Variants in NECAB1 observed in about 807,000 individuals in gnomAD.
NECAB1 encodes the protein N-terminal EF-hand calcium binding protein 1.
NECAB1 carries 29 observed loss-of-function variants against 57.5 expected under a neutral mutation model. The observed-to-expected ratio is 0.50, with a 90% CI of 0.38 to 0.69. NECAB1 has a LOEUF of 0.69. Among genes scored for constraint, NECAB1 ranks in the 30% least tolerant of loss-of-function variants. NECAB1 has a pLI of 0.00. For missense variants in NECAB1, 372 were observed against 413.8 expected, an observed-to-expected ratio of 0.90 and a Z score of 0.88; for synonymous variants, 142 against 147.7, an observed-to-expected ratio of 0.96 and a Z score of 0.28.
At chr8:90,954,776 A>G (rs886701988) in intron 12 of NECAB1, among the ~76,000 whole-genome samples, 1 of 149,930 alleles carries the variant, frequency 6.7e-6, no homozygotes, top group Non-Finnish European at 1.5e-5. Context: ...TCATATAGGT[A>G]TAAATATATG....
At position 90,959,251 on chromosome 8, in the gene NECAB1, C is replaced by A; in HGVS notation, c.*3739C>A. Reference sequence around the variant, plus strand: ...AAAATATATTAAATTGTATTCCAAACCTGTTCTTCTGTTTCTGTGGCACCT... The same window carrying A: ...AAAATATATTAAATTGTATTCCAAAACTGTTCTTCTGTTTCTGTGGCACCT... On this transcript the variant is annotated 3_prime_UTR_variant, in exon 13 of 13. Coordinates refer to ENST00000417640, the MANE Select transcript of NECAB1 (RefSeq NM_022351.5). 1 of 274,612 alleles carries A rather than the reference C, an allele frequency of 3.6e-6. No individual in the cohort carries two copies. The highest frequency in any genetic ancestry group is 6.8e-6 in the Non-Finnish European group (1 of 148,128). 17.0% of individuals were successfully genotyped at this position (274,612 alleles called of 1,614,324 possible).
chr8:90,896,400 C>T (rs893654657), intron 5 of NECAB1, among the ~76,000 whole-genome samples: 3 of 151,960 alleles, frequency 2.0e-5, no homozygotes, highest in Non-Finnish European at 2.9e-5. Flanking sequence ...GTCAGGAGAT[C>T]GAGACCATCC....
At chr8:90,930,162 A>C (rs117244420) in intron 8 of NECAB1, among the ~76,000 whole-genome samples, 1,933 of 152,322 alleles carry the variant, frequency 0.013, 18 homozygotes, top group South Asian at 0.041. Flanking sequence ...GGCATTGAAG[A>C]GGAGGTTTGT....
intron 2 of NECAB1, among the ~76,000 whole-genome samples, chr8:90,815,696 GATTC>G (rs1277649104): frequency 3.3e-5 from 5 of 152,082 alleles, no homozygotes; most frequent in East Asian, 1.9e-4. Context: ...ATGGATTTAA[GATTC>G]ATTCAAGTTT....
intron 5 of NECAB1, among the ~76,000 whole-genome samples, chr8:90,883,965 T>C (rs1254908969): frequency 2.6e-5 from 4 of 152,198 alleles, no homozygotes; most frequent in African/African-American, 7.2e-5. Flanking sequence ...ATTCATCACG[T>C]GCTATGTTAT....
chr8:90,938,607 G>A (rs1283760286), intron 9 of NECAB1, among the ~76,000 whole-genome samples: 4 of 152,172 alleles, frequency 2.6e-5, no homozygotes, highest in African/African-American at 9.7e-5. Context: ...TGTCAGAATA[G>A]TCATCAAACT....
At position 90,805,108 on chromosome 8, in the gene NECAB1, G is replaced by A. The variant is rs1269444550; in HGVS notation, c.124+3393G>A. On this transcript the variant is annotated intron_variant, in intron 2 of 12. Coordinates refer to ENST00000417640, the MANE Select transcript of NECAB1 (RefSeq NM_022351.5). ...GAGTTTAGTAGAAAAGAAAAATAAA[G>A]CTATTTACCATATATGGAGTATTTG... Among the ~76,000 whole-genome samples the A allele has an allele frequency of 2.6e-5, 4 of 152,142 alleles. No homozygotes were observed. In the South Asian group the frequency reaches 8.3e-4, roughly 31 times the overall value.
chr8:90,881,641 T>C (rs1190405266), intron 5 of NECAB1, among the ~76,000 whole-genome samples: 2 of 152,190 alleles, frequency 1.3e-5, no homozygotes, highest in Non-Finnish European at 2.9e-5. Context: ...CCTTCCACCA[T>C]GATTGAAAGC....
At chr8:90,795,032 G>A (rs1481251013) in intron 1 of NECAB1, among the ~76,000 whole-genome samples, 1 of 152,230 alleles carries the variant, frequency 6.6e-6, no homozygotes, top group Admixed American at 6.5e-5. Flanking sequence ...CCAGCCACAG[G>A]AGAGGGACTC....
intron 11 of NECAB1, 82 bp downstream of exon 11, chr8:90,949,966 G>A: frequency 1.2e-6 from 1 of 831,458 alleles, no homozygotes; most frequent in Non-Finnish European, 1.9e-6. Context: ...TTGTAGGAAA[G>A]TTCCATTCTC....
rs1173373681 is a variant in NECAB1, at chr8:90,934,366, T to C, written c.747+9T>C. On this transcript the variant is annotated intron_variant, in intron 9 of 12. Transcript: ENST00000417640. ...AAGGGAATACTAAATCTGTAAGTATTTTTATCAGGTAAAAATGTTAGAAAT... is the reference window on the plus strand; with the variant it reads ...AAGGGAATACTAAATCTGTAAGTATCTTTATCAGGTAAAAATGTTAGAAAT... The C allele has an allele frequency of 2.8e-6, 4 of 1,449,000 alleles. No homozygotes were observed. The highest frequency in any genetic ancestry group is 3.7e-6 in the Non-Finnish European group (4 of 1,078,802). 89.8% of individuals were successfully genotyped at this position (1,449,000 alleles called of 1,614,324 possible).
intron 9 of NECAB1, among the ~76,000 whole-genome samples, chr8:90,934,826 T>C (rs567896229): frequency 1.3e-5 from 2 of 152,292 alleles, no homozygotes; most frequent in South Asian, 4.1e-4. Flanking sequence ...AAGGGAACAT[T>C]TGTATCCCTA....
Position 90,824,058 on chromosome 8 carries a change from A to G in NECAB1, c.125-659A>G, listed in dbSNP as rs527624064. Among the ~76,000 whole-genome samples, 31 of 151,794 alleles carry G rather than the reference A, an allele frequency of 2.0e-4. No homozygotes were observed. In the South Asian group the frequency reaches 6.0e-3, roughly 29 times the overall value. On this transcript the variant is annotated intron_variant, in intron 2 of 12. Transcript: ENST00000417640. ...ATCTTTTGTTACCCAAAACTCCCATACAGTTAAAATACCTCTGTCTCTTAT... is the reference window on the plus strand; with the variant it reads ...ATCTTTTGTTACCCAAAACTCCCATGCAGTTAAAATACCTCTGTCTCTTAT...
chr8:90,836,210 A>C (rs1312443118), intron 3 of NECAB1, among the ~76,000 whole-genome samples: 1 of 152,154 alleles, frequency 6.6e-6, no homozygotes, highest in Non-Finnish European at 1.5e-5. Flanking sequence ...TTATATGTTA[A>C]AAAAAGTTTT....
chr8:90,956,902 T>C lies in NECAB1; in HGVS notation c.*1390T>C, dbSNP rs1226328776. On this transcript the variant is annotated 3_prime_UTR_variant, in exon 13 of 13. Transcript: ENST00000417640. ...ATTTTAAAATCCTTTCATAGTTCTA[T>C]TAGAAATAAGTAGTAAATTTTGATA... is the stretch of plus-strand genomic sequence containing the variant. 1.3e-5 allele frequency: 2 copies of C among 152,004 alleles called. No homozygotes were observed. Among genetic ancestry groups the C allele is most frequent in the African/African-American group, 2.4e-5 (1 of 41,290 alleles). 9.4% of individuals were successfully genotyped at this position (152,004 alleles called of 1,614,324 possible).
chr8:90,931,964 A>G (rs1810420363), intron 8 of NECAB1, among the ~76,000 whole-genome samples: 1 of 152,150 alleles, frequency 6.6e-6, no homozygotes, highest in Non-Finnish European at 1.5e-5. Flanking sequence ...CCCACCTTTA[A>G]TGTTAAACAA....
At chr8:90,854,568 T>C (rs1812756761) in intron 3 of NECAB1, among the ~76,000 whole-genome samples, 1 of 152,210 alleles carries the variant, frequency 6.6e-6, no homozygotes. Context: ...CTGGGAGACT[T>C]CAATATGTAC....
intron 2 of NECAB1, among the ~76,000 whole-genome samples, chr8:90,821,125 C>CA (rs1210584051): frequency 6.6e-6 from 1 of 151,826 alleles, no homozygotes; most frequent in Non-Finnish European, 1.5e-5. Flanking sequence ...CTCAAGCCCC[C>CA]ATCGCCCATT....
Position 90,959,144 on chromosome 8 carries a change from G to A in NECAB1, c.*3632G>A, listed in dbSNP as rs943182662. ...CAGGTGTTTACAGATTTAAATGCAT[G>A]TTACCATAGAAACTATTAAAGTAAC... On this transcript the variant is annotated 3_prime_UTR_variant, in exon 13 of 13. Transcript: ENST00000417640. 69 of 496,360 alleles carry A rather than the reference G, an allele frequency of 1.4e-4. No homozygotes were observed. The highest frequency in any genetic ancestry group is 2.2e-4 in the Non-Finnish European group (64 of 287,056). 30.7% of individuals were successfully genotyped at this position (496,360 alleles called of 1,614,324 possible).
Sources: allele counts gnomAD v4.1 joint callset (sites outside exome capture counted in the v4.1 genomes callset), GRCh38; gene constraint gnomAD v4.1.1; transcripts MANE v1.5; gene names NCBI Gene and HGNC (gene_info 2026-07-23, HGNC 2026-07-21).